Variants in IL1RAPL2 observed in about 807,000 individuals in gnomAD.
The protein encoded by IL1RAPL2 is X-linked interleukin-1 receptor accessory protein-like 2.
IL1RAPL2 carries 3 observed loss-of-function variants against 44.1 expected under a neutral mutation model. That is an observed-to-expected ratio of 0.07 (90% CI 0.03 to 0.18). The LOEUF (loss-of-function observed/expected upper bound fraction) is 0.18. Among genes scored for constraint, IL1RAPL2 ranks in the 10% least tolerant of loss-of-function variants. The pLI is 1.00. For synonymous variants in IL1RAPL2, 181 were observed against 178.8 expected (o/e 1.01, Z -0.10); for missense variants, 391 against 496.4 (o/e 0.79, Z 2.02).
chrX:104,687,073 G>A (rs1180181895), intron 2 of IL1RAPL2, among the ~76,000 whole-genome samples: 1 of 112,174 alleles, frequency 8.9e-6, no homozygotes, highest in Non-Finnish European at 1.9e-5. Context: ...AAAGTTGAAG[G>A]TGTTTCTCTA....
At chrX:104,946,664 T>A (rs1925381892) in intron 2 of IL1RAPL2, among the ~76,000 whole-genome samples, 1 of 98,810 alleles carries the variant, frequency 1.0e-5, no homozygotes, top group African/African-American at 3.7e-5. Context: ...GAATATGCGG[T>A]GTTTGGTTTT....
At chrX:105,243,547 GTATATA>G (rs1280916021) in intron 4 of IL1RAPL2, among the ~76,000 whole-genome samples, 1 of 68,950 alleles carries the variant, frequency 1.5e-5, no homozygotes, top group Non-Finnish European at 2.1e-5. Flanking sequence ...ATATATGTGT[GTATATA>G]TATATATATG....
intron 2 of IL1RAPL2, among the ~76,000 whole-genome samples, chrX:104,731,916 G>A (rs748520731): frequency 5.5e-4 from 61 of 111,714 alleles, no homozygotes; most frequent in Non-Finnish European, 1.1e-3. Context: ...AAAATTGACT[G>A]TGTACTAGGT....
rs749821109 is a variant in IL1RAPL2 at position 104,633,597 on chromosome X, T to C, written c.-19-25298T>C. ...GGGTATATGTGTCAAGGAATTTATC[T>C]ATTTCTTCTAGATTTTCTAGTTTAT... On this transcript the variant is annotated intron_variant, in intron 1 of 10. Coordinates refer to ENST00000372582, the MANE Select transcript of IL1RAPL2 (RefSeq NM_017416.2). Among the ~76,000 whole-genome samples, 566 of 111,765 alleles carry C rather than the reference T, an allele frequency of 5.1e-3. 5 individuals are homozygous for C. The highest frequency in any genetic ancestry group is 0.017 in the African/African-American group (532 of 30,799).
rs979371351 is a variant in IL1RAPL2, at chrX:105,524,293, C to A, written c.772+39906C>A. Among the ~76,000 whole-genome samples the A allele has an allele frequency of 3.6e-5, 4 of 111,081 alleles. No individual in the cohort carries two copies. In the East Asian group the frequency reaches 1.1e-3, roughly 31 times the overall value. On this transcript the variant is annotated intron_variant, in intron 6 of 10. Coordinates refer to ENST00000372582, the MANE Select transcript of IL1RAPL2 (RefSeq NM_017416.2). ...GACTTCATTATTCAATCTATCACAA[C>A]ATTTGAAGTCTGCAATACATGATAT...
intron 2 of IL1RAPL2, among the ~76,000 whole-genome samples, chrX:104,859,711 C>T (rs976036081): frequency 2.7e-5 from 3 of 112,096 alleles, no homozygotes; most frequent in Non-Finnish European, 5.6e-5. Context: ...AATGTAGCCA[C>T]CTTTTCTATA....
intron 6 of IL1RAPL2, among the ~76,000 whole-genome samples, chrX:105,567,072 G>A (rs1364096692): frequency 6.3e-5 from 7 of 110,892 alleles, no homozygotes; most frequent in Admixed American, 3.9e-4. Context: ...AGATCAGAAG[G>A]AAAAAAATTC....
At chrX:105,535,969 C>A (rs1257650827) in intron 6 of IL1RAPL2, among the ~76,000 whole-genome samples, 2 of 111,326 alleles carry the variant, frequency 1.8e-5, no homozygotes, top group Non-Finnish European at 3.8e-5. Context: ...ATTAAAAATT[C>A]ACTTAATTTA....
intron 5 of IL1RAPL2, among the ~76,000 whole-genome samples, chrX:105,461,230 C>A (rs2036090836): frequency 9.0e-6 from 1 of 110,910 alleles, no homozygotes; most frequent in Admixed American, 9.6e-5. Flanking sequence ...ATGAGTCACT[C>A]CACACTTTGC....
chrX:104,889,098 C>T (rs929720928), intron 2 of IL1RAPL2, among the ~76,000 whole-genome samples: 1 of 110,989 alleles, frequency 9.0e-6, no homozygotes, highest in Admixed American at 9.6e-5. Context: ...CAAACAGCTC[C>T]ATTCAGATGG....
At chrX:105,320,012 G>A (rs952158568) in intron 5 of IL1RAPL2, among the ~76,000 whole-genome samples, 1 of 111,550 alleles carries the variant, frequency 9.0e-6, no homozygotes, top group African/African-American at 3.3e-5. Flanking sequence ...GTGTGTGTGT[G>A]TGTGTATGTG....
intron 2 of IL1RAPL2, among the ~76,000 whole-genome samples, chrX:104,681,898 G>A (rs571350116): frequency 1.8e-5 from 2 of 112,882 alleles, no homozygotes; most frequent in South Asian, 7.2e-4. Context: ...AAGTAATGAA[G>A]TTAATTTGTT....
chrX:104,669,499 T>A (rs1177695208), intron 2 of IL1RAPL2, among the ~76,000 whole-genome samples: 3 of 111,539 alleles, frequency 2.7e-5, no homozygotes, highest in African/African-American at 9.8e-5. Context: ...AAGTTTCTAC[T>A]CCCTTGGTAT....
intron 6 of IL1RAPL2, among the ~76,000 whole-genome samples, chrX:105,705,967 G>A (rs1489595111): frequency 9.0e-6 from 1 of 111,558 alleles, no homozygotes; most frequent in East Asian, 2.8e-4. Flanking sequence ...TAGTGTGACT[G>A]GAAGGTTGTA....
intron 8 of IL1RAPL2, among the ~76,000 whole-genome samples, chrX:105,746,011 G>T (rs901864256): frequency 9.0e-6 from 1 of 111,711 alleles, no homozygotes; most frequent in African/African-American, 3.3e-5. Flanking sequence ...ATCACCTTGG[G>T]GGTTAGGTTA....
chrX:105,693,135 G>T (rs1318306091), intron 6 of IL1RAPL2, among the ~76,000 whole-genome samples: 2 of 111,594 alleles, frequency 1.8e-5, no homozygotes, highest in African/African-American at 6.5e-5. Flanking sequence ...ACAGAATAAT[G>T]GCTCCGCAAA....
chrX:104,624,014 G>A (rs1360744165), intron 1 of IL1RAPL2, among the ~76,000 whole-genome samples: 1 of 111,821 alleles, frequency 8.9e-6, no homozygotes, highest in East Asian at 2.8e-4. Context: ...TTAGCTTCCT[G>A]GCAGGCACTG....
intron 2 of IL1RAPL2, among the ~76,000 whole-genome samples, chrX:104,677,567 C>T (rs748494049): frequency 2.1e-4 from 24 of 112,389 alleles, no homozygotes; most frequent in African/African-American, 7.4e-4. Context: ...TGTGCCCTGC[C>T]CCCAGAGGTG....
At chrX:105,623,382 G>A (rs116810968) in intron 6 of IL1RAPL2, among the ~76,000 whole-genome samples, 1,961 of 109,934 alleles carry the variant, frequency 0.018, 57 homozygotes, top group African/African-American at 0.061. Flanking sequence ...CATATATTTG[G>A]AAAATGGAAA....
Sources: allele counts gnomAD v4.1 joint callset (sites outside exome capture counted in the v4.1 genomes callset), GRCh38; gene constraint gnomAD v4.1.1; transcripts MANE v1.5; gene names NCBI Gene and HGNC (gene_info 2026-07-23, HGNC 2026-07-21).